ALG1L2: variants seen among roughly 807,000 people sequenced by gnomAD.
ALG1L2 encodes the protein ALG1 chitobiosyldiphosphodolichol beta-mannosyltransferase like 2.
ALG1L2 carries 32 observed loss-of-function variants against 29.0 expected under a neutral mutation model. The ratio of observed to expected loss-of-function variants is 1.10; its 90% CI spans 0.83 to 1.48. ALG1L2 has a LOEUF of 1.48. ALG1L2 is among the 40% of genes most tolerant of loss of function. The probability of loss-of-function intolerance (pLI) is 0.00; values close to 1 mark genes in which losing one functional copy is unlikely to be tolerated. For synonymous variants in ALG1L2, 110 were observed against 109.5 expected, an observed-to-expected ratio of 1.00 and a Z score of -0.03; for missense variants, 318 against 274.1, an observed-to-expected ratio of 1.16 and a Z score of -1.13.
At chr3:130,096,685 C>T (rs572625564) in intron 6 of ALG1L2, among the ~76,000 whole-genome samples, 6 of 152,228 alleles carry the variant, frequency 3.9e-5, no homozygotes, top group Admixed American at 3.9e-4. Flanking sequence ...ATTCTAGAAG[C>T]AGTAGCCCCA....
chr3:130,096,135 T>A lies in ALG1L2; in HGVS notation c.511T>A (p.Leu171Met), dbSNP rs531347103. 11 of 1,611,980 alleles carry A rather than the reference T, an allele frequency of 6.8e-6. No homozygotes were observed. In the East Asian group the frequency reaches 2.5e-4, roughly 36 times the overall value. Reference sequence around the variant, plus strand: ...GGTGGTGGACATGTTCAGGTGCTGTTTGCCTGCGTGTGCCGTGAACTTCAA... The same window carrying A: ...GGTGGTGGACATGTTCAGGTGCTGTATGCCTGCGTGTGCCGTGAACTTCAA... ...MKVVDMFRCC[L>M]PACAVNFKCL... The change falls in exon 6 of 8, where the codon TTG becomes ATG. Residue 171 changes from leucine (L) to methionine (M), a missense_variant. Coordinates refer to ENST00000425059, the MANE Select transcript of ALG1L2 (RefSeq NM_001136152.1).
chr3:130,098,023 G>A (rs941711090), intron 7 of ALG1L2, among the ~76,000 whole-genome samples, 200 bp from the exon 8 acceptor site: 1 of 152,112 alleles, frequency 6.6e-6, no homozygotes, highest in Non-Finnish European at 1.5e-5. Flanking sequence ...CCAAGTGTGG[G>A]AAAGTGGGAC....
intron 1 of ALG1L2, among the ~76,000 whole-genome samples, chr3:130,084,025 G>T (rs1230348707): frequency 6.6e-6 from 1 of 151,582 alleles, no homozygotes; most frequent in Non-Finnish European, 1.5e-5. Context: ...TTGTGGATGG[G>T]CTGAGCCTGC....
At chr3:130,096,759 G>A (rs1446770492) in intron 6 of ALG1L2, among the ~76,000 whole-genome samples, 1 of 152,204 alleles carries the variant, frequency 6.6e-6, no homozygotes, top group Non-Finnish European at 1.5e-5. Flanking sequence ...AGGGATGTGA[G>A]CCTCTCGTGT....
chr3:130,086,731 A>G (rs1934897774), intron 1 of ALG1L2, among the ~76,000 whole-genome samples: 1 of 133,138 alleles, frequency 7.5e-6, no homozygotes, highest in African/African-American at 2.5e-5. Context: ...ACGTAGAAAA[A>G]GGAAATTGCT....
rs1232797404 is a variant in ALG1L2, at chr3:130,091,347, G to T, written c.107G>T (p.Ser36Ile). Residue 36 changes from serine to isoleucine, a missense_variant, in exon 2 of 8, where the codon AGC (serine) becomes ATC (isoleucine). Ser to Ile is a moderately radical substitution (Grantham distance 142). Transcript: ENST00000425059. Reference sequence around the variant, plus strand: ...CACCGGCTCTTCATGAAGCTGGGCAGCACGCACTCTCCGTTCAGGGCCCGG... The same window carrying T: ...CACCGGCTCTTCATGAAGCTGGGCATCACGCACTCTCCGTTCAGGGCCCGG... ...LQHRLFMKLG[S>I]THSPFRARSE... The T allele has an allele frequency of 6.3e-7, 1 of 1,597,474 alleles. No homozygotes were observed. The highest frequency in any genetic ancestry group is 1.7e-5 in the Admixed American group (1 of 60,004).
intron 1 of ALG1L2, among the ~76,000 whole-genome samples, chr3:130,085,578 G>A (rs2108114974): frequency 6.6e-6 from 1 of 150,518 alleles, no homozygotes; most frequent in South Asian, 2.1e-4. Flanking sequence ...ACTGGATAAA[G>A]CCCACTCTAT....
intron 6 of ALG1L2, among the ~76,000 whole-genome samples, chr3:130,096,685 C>A (rs572625564): frequency 6.6e-6 from 1 of 152,110 alleles, no homozygotes; most frequent in African/African-American, 2.4e-5. Context: ...ATTCTAGAAG[C>A]AGTAGCCCCA....
At chr3:130,086,370 C>T (rs1934891053) in intron 1 of ALG1L2, among the ~76,000 whole-genome samples, 1 of 146,984 alleles carries the variant, frequency 6.8e-6, no homozygotes, top group African/African-American at 2.5e-5. Context: ...TCATTAATCC[C>T]AAGAGAAAAG....
At chr3:130,091,456 C>T in intron 2 of ALG1L2, 85 bp downstream of exon 2, 1 of 1,402,468 alleles carries the variant, frequency 7.1e-7, no homozygotes, top group South Asian at 1.2e-5. Flanking sequence ...TGGGAACCCA[C>T]TCATCCAGGG....
At chr3:130,092,677 C>T (rs1160353201) in intron 3 of ALG1L2, among the ~76,000 whole-genome samples, 2 of 152,166 alleles carry the variant, frequency 1.3e-5, no homozygotes, top group African/African-American at 2.4e-5. Flanking sequence ...TGGTGGCCTC[C>T]CTGCCAGAGC....
chr3:130,096,611 T>C (rs556547929), intron 6 of ALG1L2, among the ~76,000 whole-genome samples: 1 of 151,982 alleles, frequency 6.6e-6, no homozygotes, highest in African/African-American at 2.4e-5. Flanking sequence ...GTTAAATGAG[T>C]GTCATGCTGT....
chr3:130,095,989 G>A, intron 5 of ALG1L2, 60 bp from the exon 6 acceptor site: 1 of 1,478,588 alleles, frequency 6.8e-7, no homozygotes, highest in Non-Finnish European at 9.1e-7. Flanking sequence ...ACTGTGCTGG[G>A]AGGATTTGTG....
At position 130,098,343 on chromosome 3, in the gene ALG1L2, C is replaced by T. The variant is rs1012103303; in HGVS notation, c.*88C>T. 5 of 1,596,220 alleles carry T rather than the reference C, an allele frequency of 3.1e-6. No individual in the cohort carries two copies. In the Admixed American group the frequency reaches 8.3e-5, roughly 27 times the overall value. Reference sequence around the variant, plus strand: ...ATGAGAGCTGGGTGCAGACTGTGCTCCCTTTGGTTATGGACACATAACTCC... The same window carrying T: ...ATGAGAGCTGGGTGCAGACTGTGCTTCCTTTGGTTATGGACACATAACTCC... On this transcript the variant is annotated 3_prime_UTR_variant, in exon 8 of 8. Transcript: ENST00000425059.
At chr3:130,093,950 G>T (rs1026333393) in intron 4 of ALG1L2, 20 of 245,120 alleles carry the variant, frequency 8.2e-5, no homozygotes, top group Non-Finnish European at 1.6e-4. Flanking sequence ...TGCTCTGGAG[G>T]CTGTGGCAGG....
At chr3:130,088,557 A>T (rs1934941963) in intron 1 of ALG1L2, among the ~76,000 whole-genome samples, 1 of 152,286 alleles carries the variant, frequency 6.6e-6, no homozygotes, top group Admixed American at 6.5e-5. Context: ...ATCTGGGACA[A>T]CAGGCATGAG....
intron 1 of ALG1L2, among the ~76,000 whole-genome samples, chr3:130,088,574 C>T (rs74925237): frequency 2.0e-4 from 30 of 151,666 alleles, no homozygotes; most frequent in Admixed American, 3.3e-4. Context: ...TGAGCCATTA[C>T]GCCTGGCTAA....
intron 1 of ALG1L2, chr3:130,089,421 T>A (rs1311792808): frequency 6.6e-6 from 1 of 152,058 alleles, no homozygotes; most frequent in African/African-American, 2.4e-5. Context: ...GCACTTGAGA[T>A]GTGGCCATCT....
chr3:130,097,038 C>G (rs1935153855), intron 6 of ALG1L2, 137 bp from the exon 7 acceptor site: 1 of 1,458,736 alleles, frequency 6.9e-7, no homozygotes, highest in Admixed American at 2.8e-5. Flanking sequence ...ATCTAAGAAC[C>G]ACCTCCCAGA....
Sources: allele counts gnomAD v4.1 joint callset (sites outside exome capture counted in the v4.1 genomes callset), GRCh38; gene constraint gnomAD v4.1.1; transcripts MANE v1.5; gene names NCBI Gene and HGNC (gene_info 2026-07-23, HGNC 2026-07-21).